Variants in ADGRL4 observed in about 807,000 individuals in gnomAD.
ADGRL4 encodes the protein EGF, latrophilin and seven transmembrane domain containing 1.
A neutral mutation model predicts 74.8 loss-of-function variants in ADGRL4; 90 were observed. That is an observed-to-expected ratio of 1.20 (90% CI 1.02 to 1.43). The LOEUF is 1.43. ADGRL4 is among the 40% of genes most tolerant of loss of function. The pLI is 0.00. For missense variants in ADGRL4, 881 were observed against 814.3 expected (o/e 1.08, Z -1.00); for synonymous variants, 311 against 279.2 (o/e 1.11, Z -1.14).
At chr1:78,937,717 T>C in intron 6 of ADGRL4, 90 bp downstream of exon 6, 1 of 1,165,256 alleles carries the variant, frequency 8.6e-7, no homozygotes. Flanking sequence ...AATACTAGTT[T>C]CAACACCATG....
At chr1:78,942,710 C>T (rs138512745) in intron 3 of ADGRL4, among the ~76,000 whole-genome samples, 3 of 152,268 alleles carry the variant, frequency 2.0e-5, no homozygotes, top group African/African-American at 7.2e-5. Flanking sequence ...AGCAGAATCA[C>T]TTGATTCCAG....
In ADGRL4 at chr1:78,959,264, A is replaced by G. The variant is rs570320645; in HGVS notation, c.173-12838T>C. Among the ~76,000 whole-genome samples the G allele has an allele frequency of 1.1e-4, 16 of 152,350 alleles. No homozygotes were observed. In the South Asian group the frequency reaches 3.3e-3, roughly 32 times the overall value. ...AAACAGAAATAGCTCATTGCTCTACATAAATATTTATCTTTACTAATAATC... is the reference window on the plus strand; with the variant it reads ...AAACAGAAATAGCTCATTGCTCTACGTAAATATTTATCTTTACTAATAATC... On this transcript the variant is annotated intron_variant, in intron 2 of 14. Transcript: ENST00000370742.
chr1:78,977,243 T>G (rs931523550), intron 2 of ADGRL4, among the ~76,000 whole-genome samples: 2 of 151,760 alleles, frequency 1.3e-5, no homozygotes, highest in African/African-American at 2.4e-5. Context: ...TAAATAACTC[T>G]CAGCAAACTG....
At chr1:78,993,868 C>A (rs1238219171) in intron 2 of ADGRL4, among the ~76,000 whole-genome samples, 1 of 152,190 alleles carries the variant, frequency 6.6e-6, no homozygotes, top group South Asian at 2.1e-4. Context: ...ACACCGCACC[C>A]GGCCAAAAAT....
intron 2 of ADGRL4, among the ~76,000 whole-genome samples, chr1:78,958,202 G>A (rs1432288506): frequency 6.6e-6 from 1 of 152,148 alleles, no homozygotes; most frequent in Admixed American, 6.6e-5. Context: ...CCCAGAAAAT[G>A]AAGGTTGTTT....
At chr1:78,908,330 G>A (rs1648687870) in intron 12 of ADGRL4, among the ~76,000 whole-genome samples, 2 of 151,978 alleles carry the variant, frequency 1.3e-5, no homozygotes, top group African/African-American at 4.8e-5. Flanking sequence ...GTAAATAGGA[G>A]CTTGAAGGTT....
At chr1:78,944,835 T>C (rs942163570) in intron 3 of ADGRL4, among the ~76,000 whole-genome samples, 2 of 152,086 alleles carry the variant, frequency 1.3e-5, no homozygotes, top group African/African-American at 4.8e-5. Flanking sequence ...GAAGCGTAGG[T>C]ACATGAGACT....
chr1:78,950,958 G>A (rs1367393829), intron 2 of ADGRL4, among the ~76,000 whole-genome samples: 1 of 152,140 alleles, frequency 6.6e-6, no homozygotes, highest in African/African-American at 2.4e-5. Flanking sequence ...CATTTCAGAA[G>A]ACGTATCAAT....
intron 9 of ADGRL4, among the ~76,000 whole-genome samples, chr1:78,920,850 A>C (rs902417629): frequency 1.3e-5 from 2 of 151,910 alleles, no homozygotes; most frequent in African/African-American, 4.8e-5. Context: ...TATTGTTCAG[A>C]AACTTTGAAA....
At chr1:78,913,643 G>A (rs1041539294) in intron 12 of ADGRL4, among the ~76,000 whole-genome samples, 1 of 151,696 alleles carries the variant, frequency 6.6e-6, no homozygotes, top group African/African-American at 2.4e-5. Flanking sequence ...ATGGAAGGAG[G>A]GAGAAGATCA....
chr1:78,982,857 C>T (rs947719232), intron 2 of ADGRL4, among the ~76,000 whole-genome samples: 2 of 151,778 alleles, frequency 1.3e-5, no homozygotes, highest in Non-Finnish European at 2.9e-5. Context: ...AAGGACTGCA[C>T]CTGTGCAAGG....
At chr1:78,988,209 T>C (rs560422868) in intron 2 of ADGRL4, among the ~76,000 whole-genome samples, 6 of 151,936 alleles carry the variant, frequency 3.9e-5, no homozygotes, top group African/African-American at 1.4e-4. Flanking sequence ...AAAACTTAAG[T>C]TGATGATCAG....
intron 12 of ADGRL4, among the ~76,000 whole-genome samples, chr1:78,897,260 G>A (rs975915310): frequency 3.9e-5 from 6 of 152,202 alleles, no homozygotes; most frequent in Middle Eastern, 3.4e-3. Flanking sequence ...TTGACTTTGG[G>A]CTTCAGTGTC....
chr1:78,981,122 A>G (rs35800194), intron 2 of ADGRL4, among the ~76,000 whole-genome samples: 1,610 of 151,818 alleles, frequency 0.011, 12 homozygotes, highest in South Asian at 0.034. Flanking sequence ...TCTATAGAAC[A>G]GCCTTCTAAT....
In ADGRL4 at chr1:78,921,777, T is replaced by C. The variant is rs771821016; in HGVS notation, c.1093A>G (p.Arg365Gly). 2 of 1,495,954 alleles carry C rather than the reference T, an allele frequency of 1.3e-6. No individual in the cohort carries two copies. The highest frequency in any genetic ancestry group is 1.8e-6 in the Non-Finnish European group (2 of 1,120,872). 92.7% of individuals were successfully genotyped at this position (1,495,954 alleles called of 1,614,324 possible). ...FTLSHRKVTD[R>G]YRSLCAFWNY... ...CAAAATGCACATAGACTCCTATACC[T>C]ATCTGTGACCTGAAAAAAAGATACT... The change falls in exon 9 of 15, where the codon AGG (arginine) becomes GGG (glycine). Residue 365 changes from arginine to glycine, a missense_variant. Physicochemically the swap from Arg to Gly is moderately radical, Grantham distance 125. Transcript: ENST00000370742.
intron 2 of ADGRL4, among the ~76,000 whole-genome samples, chr1:78,972,473 T>G (rs75407273): frequency 0.014 from 2,173 of 152,148 alleles, 53 homozygotes; most frequent in African/African-American, 0.05. Context: ...GAAACATGAG[T>G]CTCTTCCATA....
intron 2 of ADGRL4, among the ~76,000 whole-genome samples, chr1:78,982,437 G>A (rs1308295046): frequency 6.6e-6 from 1 of 151,842 alleles, no homozygotes; most frequent in Non-Finnish European, 1.5e-5. Flanking sequence ...TCACAAAAGA[G>A]AAAAAGTACA....
chr1:78,999,028 CT>C (rs1332873885), intron 2 of ADGRL4, among the ~76,000 whole-genome samples: 1 of 152,056 alleles, frequency 6.6e-6, no homozygotes, highest in Non-Finnish European at 1.5e-5. Context: ...AAACCTGAAA[CT>C]TACTTAATAA....
chr1:79,004,222 G>T (rs1198858477), intron 2 of ADGRL4, among the ~76,000 whole-genome samples: 1 of 151,972 alleles, frequency 6.6e-6, no homozygotes, highest in African/African-American at 2.4e-5. Context: ...ATTTTAACTT[G>T]CTATTTAATT....
Sources: gnomAD v4.1 joint callset for allele counts (sites outside exome capture counted in the v4.1 genomes callset) on GRCh38, gnomAD v4.1.1 for gene constraint, MANE v1.5 for transcripts, NCBI Gene and HGNC (gene_info 2026-07-23, HGNC 2026-07-21) for gene names.